Variants in SAMMSON observed in about 807,000 individuals in gnomAD.
SAMMSON encodes the protein survival associated mitochondrial melanoma specific oncogenic non-coding RNA, also known as long intergenic non-protein coding RNA 1212.
intron 2 of SAMMSON, chr3:70,013,426 G>C (rs559096719): frequency 1.3e-5 from 2 of 152,246 alleles, no homozygotes; most frequent in African/African-American, 4.8e-5. Flanking sequence ...GTAGTCAATG[G>C]AGCTCCAGGC....
intron 4 of SAMMSON, among the ~76,000 whole-genome samples, chr3:70,135,159 G>A (rs780926145): frequency 3.3e-5 from 5 of 151,946 alleles, no homozygotes; most frequent in Non-Finnish European, 7.4e-5. Flanking sequence ...AAAACCTATG[G>A]TCTTATTGGT....
intron 4 of SAMMSON, among the ~76,000 whole-genome samples, chr3:70,124,207 C>G (rs2067446279): frequency 6.6e-6 from 1 of 152,172 alleles, no homozygotes; most frequent in Admixed American, 6.5e-5. Context: ...GAGAGCCTAC[C>G]TCACAGAACT....
chr3:70,290,716 C>T (rs924008249), intron 6 of SAMMSON, among the ~76,000 whole-genome samples: 4 of 152,114 alleles, frequency 2.6e-5, no homozygotes, highest in Non-Finnish European at 1.5e-5. Context: ...AGTGAGACTC[C>T]GTGGGCGTAG....
At chr3:70,422,649 A>G (rs987834064) in intron 2 of SAMMSON, among the ~76,000 whole-genome samples, 4 of 152,052 alleles carry the variant, frequency 2.6e-5, no homozygotes, top group Non-Finnish European at 5.9e-5. Flanking sequence ...AAACCCTAGT[A>G]AGGGTCATCA....
chr3:70,016,942 C>A (rs1269716496), intron 3 of SAMMSON, among the ~76,000 whole-genome samples: 1 of 152,054 alleles, frequency 6.6e-6, no homozygotes, highest in Non-Finnish European at 1.5e-5. Context: ...TTCCATTGGT[C>A]TATATATCTG....
chr3:70,199,231 G>C (rs1701210908), intron 4 of SAMMSON, among the ~76,000 whole-genome samples: 1 of 152,202 alleles, frequency 6.6e-6, no homozygotes, highest in Non-Finnish European at 1.5e-5. Context: ...TTTCCTATCA[G>C]AGTGTGAAGG....
chr3:70,312,921 A>AT (rs1702467620), intron 7 of SAMMSON, among the ~76,000 whole-genome samples: 2 of 152,190 alleles, frequency 1.3e-5, no homozygotes, highest in African/African-American at 4.8e-5. Context: ...TAAAAGATGT[A>AT]GAAAAAAATG....
At chr3:70,183,081 C>T (rs1701066666) in intron 4 of SAMMSON, among the ~76,000 whole-genome samples, 2 of 152,302 alleles carry the variant, frequency 1.3e-5, no homozygotes, top group African/African-American at 2.4e-5. Flanking sequence ...CTTTGTTGAA[C>T]ACTCGCTACA....
At chr3:70,298,860 C>G (rs1702317618) in intron 7 of SAMMSON, among the ~76,000 whole-genome samples, 1 of 152,104 alleles carries the variant, frequency 6.6e-6, no homozygotes, top group South Asian at 2.1e-4. Flanking sequence ...TTGTTTACTA[C>G]CTGGGTGACT....
chr3:70,355,614 G>A (rs1176354482), intron 8 of SAMMSON, among the ~76,000 whole-genome samples: 2 of 151,988 alleles, frequency 1.3e-5, no homozygotes, highest in Non-Finnish European at 2.9e-5. Context: ...AAACAGGAGA[G>A]GGGAAAAAAA....
intron 4 of SAMMSON, among the ~76,000 whole-genome samples, chr3:70,236,831 A>G (rs944533230): frequency 6.6e-6 from 1 of 152,192 alleles, no homozygotes; most frequent in African/African-American, 2.4e-5. Flanking sequence ...CCTGGCCTCA[A>G]GTGATTCTCC....
chr3:70,273,144 A>G (rs983736101), intron 6 of SAMMSON, among the ~76,000 whole-genome samples: 5 of 152,196 alleles, frequency 3.3e-5, no homozygotes, highest in African/African-American at 1.2e-4. Context: ...AAAAGGACTG[A>G]CAAATCTAAG....
intron 9 of SAMMSON, among the ~76,000 whole-genome samples, chr3:70,375,118 TATTGCTA>T (rs1450339165): frequency 1.3e-5 from 2 of 152,204 alleles, no homozygotes; most frequent in South Asian, 2.1e-4. Context: ...ATCTATGCCA[TATTGCTA>T]AAAGTGGAAG....
chr3:70,284,872 C>T (rs980930396), intron 6 of SAMMSON, among the ~76,000 whole-genome samples: 1 of 152,036 alleles, frequency 6.6e-6, no homozygotes, highest in African/African-American at 2.4e-5. Flanking sequence ...TGTAACAAAC[C>T]TGCACATGTA....
chr3:70,256,446 T>A (rs1430101243), intron 6 of SAMMSON, among the ~76,000 whole-genome samples: 1 of 152,234 alleles, frequency 6.6e-6, no homozygotes, highest in Non-Finnish European at 1.5e-5. Context: ...CTCTCAATTC[T>A]AATTTAAGGA....
At chr3:70,252,673 C>A (rs2106653181) in intron 6 of SAMMSON, among the ~76,000 whole-genome samples, 1 of 152,256 alleles carries the variant, frequency 6.6e-6, no homozygotes, top group African/African-American at 2.4e-5. Context: ...CATTCAGGCA[C>A]TGTATTGCCC....
At chr3:70,071,389 A>G (rs1467026026) in intron 3 of SAMMSON, 5 of 152,102 alleles carry the variant, frequency 3.3e-5, no homozygotes, top group Non-Finnish European at 5.9e-5. Context: ...GGTTGTCTGC[A>G]TATGCGTATA....
chr3:70,248,923 CT>C (rs1296628430), intron 4 of SAMMSON, among the ~76,000 whole-genome samples: 2 of 152,106 alleles, frequency 1.3e-5, no homozygotes, highest in Non-Finnish European at 2.9e-5. Context: ...GGCTAAGAAG[CT>C]TTAAGACATT....
At position 70,036,143 on chromosome 3, in the gene SAMMSON, G is replaced by A. The variant is rs749777155; in HGVS notation, n.417+22471G>A. 9.9e-5 allele frequency among the ~76,000 whole-genome samples: 15 copies of A among 152,152 alleles called. No individual in the cohort carries two copies. The East Asian group carries it at 1.2e-3, about 12-fold the overall frequency. ...AGCCAAATATATAAAACCCTAAAAGGTGAGATACTTGGTTTGGAATAAGGG... is the reference window on the plus strand; with the variant it reads ...AGCCAAATATATAAAACCCTAAAAGATGAGATACTTGGTTTGGAATAAGGG... On this transcript the variant is annotated intron_variant and non_coding_transcript_variant, in intron 3 of 9. Transcript: ENST00000642114.
Sources: gnomAD v4.1 joint callset for allele counts (sites outside exome capture counted in the v4.1 genomes callset) on GRCh38, gnomAD v4.1.1 for gene constraint, MANE v1.5 for transcripts, NCBI Gene and HGNC (gene_info 2026-07-23, HGNC 2026-07-21) for gene names.